Variants in TYW1B observed in about 807,000 individuals in gnomAD.
TYW1B encodes the protein S-adenosyl-L-methionine-dependent tRNA 4-demethylwyosine synthase TYW1B.
Under a neutral mutation model 86.9 loss-of-function variants are expected in TYW1B, and 73 were observed. That is an observed-to-expected ratio of 0.84 (90% CI 0.70 to 1.02). The LOEUF is 1.02. Ranked by LOEUF, TYW1B falls within the 50% of genes least tolerant of loss-of-function variation. The probability of loss-of-function intolerance (pLI) is 0.00; values close to 1 mark genes in which losing one functional copy is unlikely to be tolerated. For synonymous variants in TYW1B, 248 were observed against 292.8 expected (o/e 0.85, Z 1.56); for missense variants, 637 against 827.4 (o/e 0.77, Z 2.82).
intron 13 of TYW1B, among the ~76,000 whole-genome samples, chr7:72,585,298 C>A (rs1811247759): frequency 6.6e-6 from 1 of 152,190 alleles, no homozygotes; most frequent in Admixed American, 6.5e-5. Flanking sequence ...ACAAAGGTCT[C>A]ATAGTTCTAC....
At chr7:72,606,607 GC>G (rs782240914) in intron 13 of TYW1B, among the ~76,000 whole-genome samples, 49 of 56,918 alleles carry the variant, frequency 8.6e-4, no homozygotes, top group Admixed American at 2.1e-3. Context: ...CAGCAATAAG[GC>G]CCCCCCCCCG....
At chr7:72,698,577 C>T (rs1425587844) in intron 10 of TYW1B, among the ~76,000 whole-genome samples, 5 of 150,184 alleles carry the variant, frequency 3.3e-5, no homozygotes, top group Non-Finnish European at 5.9e-5. Flanking sequence ...ACCCAGGAGG[C>T]GGAGGCTGCA....
chr7:72,674,659 C>T (rs1813692477), intron 11 of TYW1B, among the ~76,000 whole-genome samples: 1 of 152,020 alleles, frequency 6.6e-6, no homozygotes, highest in South Asian at 2.1e-4. Context: ...AGGTTGATTC[C>T]TGTGCTTAAA....
At chr7:72,754,566 T>C (rs1345973951) in intron 7 of TYW1B, among the ~76,000 whole-genome samples, 1 of 152,060 alleles carries the variant, frequency 6.6e-6, no homozygotes, top group African/African-American at 2.4e-5. Context: ...CCCCAACAAG[T>C]AGCCAAGACT....
At chr7:72,798,037 A>G (rs1449040832) in intron 6 of TYW1B, among the ~76,000 whole-genome samples, 1,166 of 43,412 alleles carry the variant, frequency 0.027, 5 homozygotes, top group African/African-American at 0.047. Flanking sequence ...ACACACACAC[A>G]CGCACACACA....
intron 7 of TYW1B, among the ~76,000 whole-genome samples, chr7:72,754,039 A>G (rs1554465550): frequency 6.6e-6 from 1 of 152,150 alleles, no homozygotes; most frequent in Admixed American, 6.5e-5. Context: ...CTACTTCAAC[A>G]AGGGTTATTT....
chr7:72,706,241 C>G (rs1196759587), intron 10 of TYW1B, among the ~76,000 whole-genome samples: 1 of 151,930 alleles, frequency 6.6e-6, no homozygotes, highest in East Asian at 1.9e-4. Context: ...CCAGACTGAC[C>G]AACATGGAGA....
intron 3 of TYW1B, among the ~76,000 whole-genome samples, chr7:72,814,123 G>A (rs1463145339): frequency 2.6e-5 from 4 of 151,592 alleles, no homozygotes; most frequent in East Asian, 1.9e-4. Context: ...TGGTTGGATC[G>A]CCCATGGCCT....
intron 12 of TYW1B, among the ~76,000 whole-genome samples, chr7:72,619,647 C>CA (rs34309451): frequency 0.28 from 19,063 of 68,106 alleles, 2,054 homozygotes; most frequent in East Asian, 0.62. Context: ...GACTCCGTCT[C>CA]AAAAAAAAAA....
chr7:72,766,707 A>C (rs576153676), intron 7 of TYW1B, among the ~76,000 whole-genome samples: 1 of 151,772 alleles, frequency 6.6e-6, no homozygotes, highest in South Asian at 2.1e-4. Context: ...CAGGTGGATC[A>C]CTTGAGATCA....
chr7:72,602,581 A>G (rs1277461791), intron 13 of TYW1B, among the ~76,000 whole-genome samples: 1 of 152,164 alleles, frequency 6.6e-6, no homozygotes, highest in African/African-American at 2.4e-5. Flanking sequence ...CAGAAAATAC[A>G]GATGCTCCTC....
chr7:72,826,794 T>A, intron 2 of TYW1B, 61 bp downstream of exon 2: 1 of 1,576,128 alleles, frequency 6.3e-7, no homozygotes, highest in Non-Finnish European at 8.6e-7. Flanking sequence ...CCTTTTAGTG[T>A]TTAAATCCTC....
chr7:72,725,811 A>G (rs1786988067), intron 9 of TYW1B, among the ~76,000 whole-genome samples: 1 of 152,130 alleles, frequency 6.6e-6, no homozygotes, highest in African/African-American at 2.4e-5. Flanking sequence ...AGCCTCCACA[A>G]ATACATTAGC....
intron 8 of TYW1B, among the ~76,000 whole-genome samples, chr7:72,742,556 C>CAT (rs782322354): frequency 6.6e-6 from 1 of 152,126 alleles, no homozygotes; most frequent in Non-Finnish European, 1.5e-5. Context: ...GTGACAATGA[C>CAT]ATAAAGGAGG....
chr7:72,650,679 T>C (rs781936501), intron 11 of TYW1B, among the ~76,000 whole-genome samples: 1 of 152,112 alleles, frequency 6.6e-6, no homozygotes, highest in South Asian at 2.1e-4. Flanking sequence ...TGGCCAGGAA[T>C]TGGACCTAGC....
At chr7:72,599,214 T>C (rs368357557) in intron 13 of TYW1B, among the ~76,000 whole-genome samples, 2 of 135,174 alleles carry the variant, frequency 1.5e-5, no homozygotes, top group African/African-American at 5.7e-5. Flanking sequence ...ATTCCAGGTA[T>C]GGAAGACTGG....
intron 8 of TYW1B, among the ~76,000 whole-genome samples, chr7:72,739,535 G>A (rs1453868446): frequency 2.0e-5 from 3 of 151,548 alleles, no homozygotes; most frequent in Admixed American, 2.0e-4. Flanking sequence ...GAACCCGGGA[G>A]GCGGAGGTTG....
intron 11 of TYW1B, among the ~76,000 whole-genome samples, chr7:72,684,230 G>A (rs1554448884): frequency 6.6e-6 from 1 of 152,038 alleles, no homozygotes; most frequent in African/African-American, 2.4e-5. Context: ...TTGTCAGGAG[G>A]CTCCCACAAC....
intron 4 of TYW1B, among the ~76,000 whole-genome samples, chr7:72,808,297 A>C: frequency 6.6e-6 from 1 of 151,922 alleles, no homozygotes. Context: ...CAAAAAATAC[A>C]AAAACTAGCT....
Sources: gnomAD v4.1 joint callset for allele counts (sites outside exome capture counted in the v4.1 genomes callset) on GRCh38, gnomAD v4.1.1 for gene constraint, MANE v1.5 for transcripts, NCBI Gene and HGNC (gene_info 2026-07-23, HGNC 2026-07-21) for gene names.